RAB3GAP2: variants seen among roughly 807,000 people sequenced by gnomAD.
RAB3GAP2 encodes rab3 GTPase-activating protein non-catalytic subunit.
In RAB3GAP2, 87 loss-of-function variants were observed where a neutral mutation model predicts 185.3. That is an observed-to-expected ratio of 0.47 (90% CI 0.39 to 0.56). RAB3GAP2 has a LOEUF of 0.56. Among genes scored for constraint, RAB3GAP2 ranks in the 20% least tolerant of loss-of-function variants. The pLI is 0.00. For synonymous variants in RAB3GAP2, 554 were observed against 576.1 expected, an observed-to-expected ratio of 0.96 and a Z score of 0.55; for missense variants, 1,492 against 1,638.2, an observed-to-expected ratio of 0.91 and a Z score of 1.54.
rs1391825228 is a variant in RAB3GAP2, at chr1:220,149,686, T to TA, written c.*1564dup. The TA allele has an allele frequency of 1.3e-5, 2 of 152,194 alleles. No homozygotes were observed. Among genetic ancestry groups the TA allele is most frequent in the Non-Finnish European group, 2.9e-5 (2 of 68,050 alleles). 9.4% of individuals were successfully genotyped at this position (152,194 alleles called of 1,614,324 possible). On this transcript the variant is annotated 3_prime_UTR_variant, in exon 35 of 35. Transcript: ENST00000358951. ...AGCCCTTTCCAGTGCTGCTACTCTG[T>TA]AAAATGTATGTCTCAATCAGACTCA...
chr1:220,214,946 T>TTATATGTATATA (rs1553279016), intron 2 of RAB3GAP2, among the ~76,000 whole-genome samples: 5 of 89,620 alleles, frequency 5.6e-5, no homozygotes, highest in African/African-American at 2.4e-4. Context: ...AATAGTAGCA[T>TTATATGTATATA]TATATATATA....
chr1:220,233,013 G>A (rs920634853), intron 1 of RAB3GAP2, 150 bp from the exon 2 acceptor site: 5 of 659,956 alleles, frequency 7.6e-6, no homozygotes, highest in African/African-American at 7.3e-5. Context: ...CCAGGATTTT[G>A]CTATATGTAA....
chr1:220,261,263 A>T (rs998465635), intron 1 of RAB3GAP2, among the ~76,000 whole-genome samples: 21 of 152,150 alleles, frequency 1.4e-4, no homozygotes, highest in African/African-American at 5.1e-4. Context: ...GAGTTTCAAG[A>T]ATTCTTCTCT....
intron 7 of RAB3GAP2, among the ~76,000 whole-genome samples, chr1:220,206,701 C>T (rs1031951136): frequency 8.5e-5 from 13 of 152,186 alleles, no homozygotes; most frequent in Non-Finnish European, 1.9e-4. Context: ...AAAACCTGAA[C>T]TCATTAACCA....
chr1:220,162,735 G>A (rs1021208708), intron 27 of RAB3GAP2, among the ~76,000 whole-genome samples: 14 of 152,104 alleles, frequency 9.2e-5, no homozygotes, highest in African/African-American at 1.9e-4. Context: ...TCTATCACCC[G>A]ACAATTCTGC....
chr1:220,182,835 G>A lies in RAB3GAP2; in HGVS notation c.2095C>T (p.Arg699Ter), dbSNP rs1658437185. 5.6e-6 allele frequency: 9 copies of A among 1,613,206 alleles called. No individual in the cohort carries two copies. The highest frequency in any genetic ancestry group is 6.8e-6 in the Non-Finnish European group (8 of 1,179,540). The change falls in exon 20 of 35, where the codon CGA becomes TGA. Residue 699 changes from arginine (R) to a stop codon, truncating the protein, a stop_gained. Transcript: ENST00000358951. LOFTEE classifies it high-confidence loss of function. ...ACACCATCTTTATCATCAGAAAATCGAACATTTGTCCTGGTGTTCTCTTGC... is the reference window on the plus strand; with the variant it reads ...ACACCATCTTTATCATCAGAAAATCAAACATTTGTCCTGGTGTTCTCTTGC... ...YKQENTRTNV[R>*]FSDDKDGVLP...
In RAB3GAP2 at chr1:220,197,883, A is replaced by G. The variant is rs118031875; in HGVS notation, c.812-1485T>C. On this transcript the variant is annotated intron_variant, in intron 9 of 34. Transcript: ENST00000358951. ...CTATAACTTAAATCATCTATTTTCAATGTCACACTTTAGATCCTGTCATCA... is the reference window on the plus strand; with the variant it reads ...CTATAACTTAAATCATCTATTTTCAGTGTCACACTTTAGATCCTGTCATCA... Among the ~76,000 whole-genome samples the G allele has an allele frequency of 2.0e-3, 301 of 152,184 alleles. No homozygotes were observed. In the East Asian group the frequency reaches 0.024, roughly 12 times the overall value.
Position 220,153,873 on chromosome 1 carries a change from T to C in RAB3GAP2, c.3645+95A>G, listed in dbSNP as rs1657808442. On this transcript the variant is annotated intron_variant, in intron 32 of 34. Coordinates refer to ENST00000358951, the MANE Select transcript of RAB3GAP2 (RefSeq NM_012414.4). ...GCTGTTTGGTTTTCTGTCCTTGCGATAGAAAGTAGTCATTCTTTTCAAAAG... is the reference window on the plus strand; with the variant it reads ...GCTGTTTGGTTTTCTGTCCTTGCGACAGAAAGTAGTCATTCTTTTCAAAAG... 5.8e-6 allele frequency: 9 copies of C among 1,552,422 alleles called. No homozygotes were observed. The East Asian group carries it at 9.2e-5, about 16-fold the overall frequency.
At chr1:220,266,568 C>A in intron 1 of RAB3GAP2, 6 of 800,616 alleles carry the variant, frequency 7.5e-6, no homozygotes, top group Non-Finnish European at 1.3e-5. Context: ...TAAGGCACAC[C>A]TGCTCAGTAA....
intron 7 of RAB3GAP2, among the ~76,000 whole-genome samples, chr1:220,206,718 C>T (rs1268528621): frequency 1.3e-5 from 2 of 152,204 alleles, no homozygotes; most frequent in Non-Finnish European, 2.9e-5. Flanking sequence ...ACCATGGCTG[C>T]AACATCTGGC....
intron 26 of RAB3GAP2, among the ~76,000 whole-genome samples, chr1:220,166,022 A>G (rs1185590454): frequency 6.6e-6 from 1 of 152,242 alleles, no homozygotes; most frequent in Non-Finnish European, 1.5e-5. Context: ...TTCTCATTCT[A>G]GACATAACAT....
At chr1:220,157,235 T>C (rs1571873837) in intron 31 of RAB3GAP2, 35 bp downstream of exon 31, 1 of 1,569,606 alleles carries the variant, frequency 6.4e-7, no homozygotes, top group African/African-American at 1.4e-5. Context: ...AGCCTGCAAC[T>C]CCAAAATAGC....
intron 1 of RAB3GAP2, among the ~76,000 whole-genome samples, chr1:220,263,643 G>A (rs1166799294): frequency 2.6e-5 from 4 of 151,912 alleles, no homozygotes; most frequent in Non-Finnish European, 4.4e-5. Flanking sequence ...CATTCCATTG[G>A]TTTGTTTGTC....
At chr1:220,161,134 C>T (rs955640059) in intron 28 of RAB3GAP2, among the ~76,000 whole-genome samples, 10 of 152,026 alleles carry the variant, frequency 6.6e-5, no homozygotes, top group African/African-American at 2.4e-4. Context: ...AGAACAACAT[C>T]ATAAAGGCCA....
chr1:220,194,683 G>A (rs1049553956), intron 12 of RAB3GAP2, among the ~76,000 whole-genome samples: 29 of 152,166 alleles, frequency 1.9e-4, no homozygotes, highest in South Asian at 4.1e-4. Context: ...GTGAGCCACC[G>A]CAATCCACTA....
At chr1:220,190,220 T>G in intron 15 of RAB3GAP2, 74 bp from the exon 16 acceptor site, 2 of 1,516,150 alleles carry the variant, frequency 1.3e-6, no homozygotes, top group Non-Finnish European at 1.8e-6. Flanking sequence ...CACTCCAACT[T>G]TTTTTTCCTT....
At chr1:220,254,749 T>C (rs1165286003) in intron 1 of RAB3GAP2, among the ~76,000 whole-genome samples, 2 of 152,122 alleles carry the variant, frequency 1.3e-5, no homozygotes, top group African/African-American at 2.4e-5. Context: ...CTGCCAGTGT[T>C]TTCAATGATG....
chr1:220,266,584 A>G, intron 1 of RAB3GAP2: 1 of 913,498 alleles, frequency 1.1e-6, no homozygotes, highest in East Asian at 2.6e-5. Context: ...AGTAAAACAA[A>G]TATTTCTTTT....
At chr1:220,238,604 T>C (rs934995589) in intron 1 of RAB3GAP2, among the ~76,000 whole-genome samples, 2 of 152,162 alleles carry the variant, frequency 1.3e-5, no homozygotes, top group African/African-American at 4.8e-5. Flanking sequence ...TAATAGCTGT[T>C]ATAATTACCA....
Sources: allele counts gnomAD v4.1 joint callset (sites outside exome capture counted in the v4.1 genomes callset), GRCh38; gene constraint gnomAD v4.1.1; transcripts MANE v1.5; gene names NCBI Gene and HGNC (gene_info 2026-07-23, HGNC 2026-07-21).